CACNA1G: variants seen among roughly 807,000 people sequenced by gnomAD.
CACNA1G encodes the protein voltage-dependent T-type calcium channel subunit alpha-1G.
A neutral mutation model predicts 219.4 loss-of-function variants in CACNA1G; 67 were observed. The observed-to-expected ratio is 0.31, with a 90% CI of 0.25 to 0.37. The LOEUF (loss-of-function observed/expected upper bound fraction) is 0.37, where lower values mean the gene tolerates loss of function less well. Ranked by LOEUF, CACNA1G falls within the 10% of genes least tolerant of loss-of-function variation. The probability of loss-of-function intolerance (pLI) is 1.00; values close to 1 mark genes in which losing one functional copy is unlikely to be tolerated. For synonymous variants in CACNA1G, 1,296 were observed against 1,345.3 expected (o/e 0.96, Z 0.80); for missense variants, 2,380 against 3,231.4 (o/e 0.74, Z 6.39).
chr17:50,598,522 C>T (rs1049891328), intron 16 of CACNA1G, among the ~76,000 whole-genome samples: 26 of 152,180 alleles, frequency 1.7e-4, no homozygotes, highest in African/African-American at 6.0e-4. Flanking sequence ...TTTTGAGGAA[C>T]CTGCATACCG....
chr17:50,581,557 C>A (rs982872163), intron 9 of CACNA1G, among the ~76,000 whole-genome samples: 1 of 152,172 alleles, frequency 6.6e-6, no homozygotes, highest in South Asian at 2.1e-4. Flanking sequence ...ACCTGCGCTA[C>A]CCCACCATCC....
chr17:50,569,574 G>T (rs2038881721), intron 3 of CACNA1G, 132 bp from the exon 4 acceptor site: 4 of 701,368 alleles, frequency 5.7e-6, no homozygotes, highest in South Asian at 1.8e-5. Context: ...GGATCTTCAG[G>T]GTCCCTTGGT....
At position 50,621,155 on chromosome 17, in the gene CACNA1G, G is replaced by A. The variant is rs544282434; in HGVS notation, c.5926-505G>A. ...AAGTCCTGCCAGGCTGTTGGAAGCC[G>A]AGAGAATAGGCAGAAAACAGCCGTC... On this transcript the variant is annotated intron_variant, in intron 34 of 37. Coordinates refer to ENST00000359106, the MANE Select transcript of CACNA1G (RefSeq NM_018896.5). The surrounding 1 kb of genome is among the most constrained non-coding windows in gnomAD (Gnocchi z 4.6). Among the ~76,000 whole-genome samples, 8 of 152,348 alleles carry A rather than the reference G, an allele frequency of 5.3e-5. No individual in the cohort carries two copies. Among genetic ancestry groups the A allele is most frequent in the Admixed American group, 2.6e-4 (4 of 15,304 alleles).
In CACNA1G at chr17:50,578,156, T is replaced by C. The variant is rs758563548; in HGVS notation, c.1925-32T>C. 76 of 1,515,370 alleles carry C rather than the reference T, an allele frequency of 5.0e-5. No homozygotes were observed. Among genetic ancestry groups the C allele is most frequent in the Non-Finnish European group, 6.3e-5 (72 of 1,134,558 alleles). 93.9% of individuals were successfully genotyped at this position (1,515,370 alleles called of 1,614,324 possible). On this transcript the variant is annotated intron_variant, in intron 8 of 37. Transcript: ENST00000359106. The surrounding 1 kb of genome is among the most constrained non-coding windows in gnomAD (Gnocchi z 4.5). The stretch of plus-strand genomic sequence containing the variant: ...CAGGGTAGCCCCAGGTACGAGACTC[T>C]GGAGCCTCTCACCTCTACTCTCCTG...
intron 34 of CACNA1G, among the ~76,000 whole-genome samples, chr17:50,620,876 G>A (rs77751546): frequency 0.01 from 1,529 of 152,360 alleles, 28 homozygotes; most frequent in African/African-American, 0.035. Context: ...AAGGTTGTGG[G>A]AGAAGAGGAC....
At position 50,596,887 on chromosome 17, in the gene CACNA1G, G is replaced by A. The variant is rs1319925216; in HGVS notation, c.3222G>A (p.Ser1074=). 2 of 1,583,272 alleles carry A rather than the reference G, an allele frequency of 1.3e-6. No individual in the cohort carries two copies. Among genetic ancestry groups the A allele is most frequent in the Non-Finnish European group, 1.7e-6 (2 of 1,165,066 alleles). ...CGCGCCGCACCAGCAGCAGCGGGTC[G>A]GCAGAGCCTGGGGCGGCCCACGAGA... ...PASRRTSSSG[S]AEPGAAHEMK... is the part of the protein sequence containing the mutation. Residue 1074 remains serine (S), a synonymous_variant, in exon 16 of 38, where the codon TCG becomes TCA. Transcript: ENST00000359106. This position sits in a 1 kb window ranked among gnomAD's most constrained non-coding sequence, Gnocchi z 4.8.
rs1231310691 is a variant in CACNA1G at position 50,627,443 on chromosome 17, A to C, written c.*692A>C. On this transcript the variant is annotated 3_prime_UTR_variant, in exon 38 of 38. Transcript: ENST00000359106. ...CATATCTATCTATCTATCTATATAT[A>C]TATAAAATAAAGTAATTTTCCTAAA... is the stretch of plus-strand genomic sequence containing the variant. 9 of 207,578 alleles carry C rather than the reference A, an allele frequency of 4.3e-5. No individual in the cohort carries two copies. Among genetic ancestry groups the C allele is most frequent in the Non-Finnish European group, 6.7e-5 (7 of 104,602 alleles). 12.9% of individuals were successfully genotyped at this position (207,578 alleles called of 1,614,324 possible).
rs1160728158 is a variant in CACNA1G at position 50,617,456 on chromosome 17, G to A, written c.5040G>A (p.Leu1680=). The A allele has an allele frequency of 1.2e-6, 2 of 1,613,818 alleles. No individual in the cohort carries two copies. Among genetic ancestry groups the A allele is most frequent in the Non-Finnish European group, 1.7e-6 (2 of 1,179,800 alleles). The stretch of plus-strand genomic sequence containing the variant: ...TTTCCAGGTGGAACCAGCTGGACCT[G>A]GCCATTGTGCTGCTGTCCATCATGG... The part of the protein sequence containing the change: ...FFQDRWNQLD[L]AIVLLSIMGI... The change falls in exon 29 of 38, where the codon CTG becomes CTA. Residue 1680 remains leucine, a synonymous_variant. Coordinates refer to ENST00000359106, the MANE Select transcript of CACNA1G (RefSeq NM_018896.5). This position sits in a 1 kb window ranked among gnomAD's most constrained non-coding sequence, Gnocchi z 5.8.
At position 50,573,148 on chromosome 17, in the gene CACNA1G, G is replaced by A. The variant is rs750800582; in HGVS notation, c.1140+35G>A. On this transcript the variant is annotated intron_variant, in intron 7 of 37. Transcript: ENST00000359106. ...TCCTCAGATCCCCGTGGGGATGGGC[G>A]ATCCTGGGGACACCTGTGGGGGCAG... is the stretch of plus-strand genomic sequence containing the variant. 2.5e-5 allele frequency: 36 copies of A among 1,467,096 alleles called. 1 individual carries two copies. The highest frequency in any genetic ancestry group is 1.7e-4 in the Middle Eastern group (1 of 5,840). The allele number at this position is 1,467,096 out of a possible 1,614,324, so 90.9% of individuals were successfully genotyped here.
At position 50,609,942 on chromosome 17, in the gene CACNA1G, C is replaced by A. The variant is rs376941755; in HGVS notation, c.4759+7C>A. 8.7e-6 allele frequency: 14 copies of A among 1,608,678 alleles called. No homozygotes were observed. In the African/African-American group the frequency reaches 1.2e-4, roughly 14 times the overall value. On this transcript the variant is annotated splice_region_variant and intron_variant, in intron 26 of 37. Transcript: ENST00000359106. ...TCAGCCAGCGCTGCGTCAGGTACTGCGTCTGGGGTGTGGGCTCATGCGTGT... is the reference window on the plus strand; with the variant it reads ...TCAGCCAGCGCTGCGTCAGGTACTGAGTCTGGGGTGTGGGCTCATGCGTGT...
In CACNA1G at chr17:50,600,182, C is replaced by T. The variant is rs910969943; in HGVS notation, c.3690+323C>T. 1.3e-5 allele frequency among the ~76,000 whole-genome samples: 2 copies of T among 152,176 alleles called. No homozygotes were observed. The highest frequency in any genetic ancestry group is 3.9e-4 in the East Asian group (2 of 5,192). On this transcript the variant is annotated intron_variant, in intron 17 of 37. Coordinates refer to ENST00000359106, the MANE Select transcript of CACNA1G (RefSeq NM_018896.5). The surrounding 1 kb of genome is among the most constrained non-coding windows in gnomAD (Gnocchi z 4.1). ...CACTCATCTCTCCAAACTGATGCCC[C>T]GCATCCCCCTTTCTCGTCTCAACCT...
In CACNA1G at chr17:50,621,862, C is replaced by T. The variant is rs986373346; in HGVS notation, c.6060+68C>T. 10 of 1,583,762 alleles carry T rather than the reference C, an allele frequency of 6.3e-6. No individual in the cohort carries two copies. Among genetic ancestry groups the T allele is most frequent in the Admixed American group, 5.0e-5 (3 of 59,730 alleles). On this transcript the variant is annotated intron_variant, in intron 35 of 37. Coordinates refer to ENST00000359106, the MANE Select transcript of CACNA1G (RefSeq NM_018896.5). The surrounding 1 kb of genome is among the most constrained non-coding windows in gnomAD (Gnocchi z 4.6). ...CTGGACTGGCTGCAGGGCTCCAGAT[C>T]GGCCCAGGGAGGGTCCTGGGGCCGC...
chr17:50,561,981 T>G, intron 1 of CACNA1G: 7 of 379,172 alleles, frequency 1.8e-5, no homozygotes, highest in South Asian at 3.6e-5. Context: ...AAGAGAGCTG[T>G]GCCCCGCTGG....
rs968513278 is a variant in CACNA1G at position 50,578,245 on chromosome 17, C to A, written c.1982C>A (p.Ala661Asp). Reference sequence around the variant, plus strand: ...CCTTGCTTGAAAGCAGACAGTGGAGCCTGTGGTCCAGACAGCTGCCCCTAC... The same window carrying A: ...CCTTGCTTGAAAGCAGACAGTGGAGACTGTGGTCCAGACAGCTGCCCCTAC... ...SSPCLKADSG[A>D]CGPDSCPYCA... Residue 661 changes from alanine to aspartate, a missense_variant, in exon 9 of 38, where the codon GCC becomes GAC. This residue lies in a region of CACNA1G where 434 missense variants were observed against 417.3 expected (regional missense o/e 1.04). Transcript: ENST00000359106. This position sits in a 1 kb window ranked among gnomAD's most constrained non-coding sequence, Gnocchi z 4.5. 6.2e-7 allele frequency: 1 copy of A among 1,608,984 alleles called. No individual in the cohort carries two copies. Among genetic ancestry groups the A allele is most frequent in the Non-Finnish European group, 8.5e-7 (1 of 1,177,348 alleles).
At chr17:50,610,063 C>A in intron 26 of CACNA1G, 128 bp downstream of exon 26, 1 of 865,202 alleles carries the variant, frequency 1.2e-6, no homozygotes. Context: ...AGGGCAGGGG[C>A]TGAAGCGCTG....
At chr17:50,565,475 C>T (rs921142811) in intron 1 of CACNA1G, among the ~76,000 whole-genome samples, 2 of 152,012 alleles carry the variant, frequency 1.3e-5, no homozygotes, top group South Asian at 2.1e-4. Context: ...TTGCCGAATC[C>T]GATAGACACC....
Position 50,621,684 on chromosome 17 carries a change from C to CT in CACNA1G, c.5951dup (p.Ser1985ValfsTer9). ...GATCCCTCTAGCTGAGATGGAGGCT[C>CT]TGTCTCTGACGTCAGAGATTGTGTC... On this transcript the variant is annotated frameshift_variant, in exon 35 of 38. Coordinates refer to ENST00000359106, the MANE Select transcript of CACNA1G (RefSeq NM_018896.5). LOFTEE classifies it high-confidence loss of function. This position sits in a 1 kb window ranked among gnomAD's most constrained non-coding sequence, Gnocchi z 4.6. 1 of 1,613,996 alleles carries CT rather than the reference C, an allele frequency of 6.2e-7. No homozygotes were observed. Among genetic ancestry groups the CT allele is most frequent in the African/African-American group, 1.3e-5 (1 of 75,064 alleles).
At chr17:50,598,961 C>T (rs1325685903) in intron 16 of CACNA1G, among the ~76,000 whole-genome samples, 1 of 152,198 alleles carries the variant, frequency 6.6e-6, no homozygotes, top group Non-Finnish European at 1.5e-5. Context: ...CTCCTGGCCT[C>T]AGGTGATCTG....
chr17:50,611,471 G>T (rs1423081476), intron 26 of CACNA1G, among the ~76,000 whole-genome samples: 1 of 152,096 alleles, frequency 6.6e-6, no homozygotes, highest in Non-Finnish European at 1.5e-5. Flanking sequence ...CCATTGAGTA[G>T]GTCATCCCTG....
Sources: allele counts gnomAD v4.1 joint callset (sites outside exome capture counted in the v4.1 genomes callset), GRCh38; gene constraint gnomAD v4.1.1; regional missense constraint gnomAD v4.1.1; non-coding constraint Gnocchi (gnomAD v3.1); transcripts MANE v1.5; gene names NCBI Gene and HGNC (gene_info 2026-07-23, HGNC 2026-07-21).